Variants in MDN1 observed in about 807,000 individuals in gnomAD.
MDN1 encodes midasin.
MDN1 carries 266 observed loss-of-function variants against 669.2 expected under a neutral mutation model. The observed-to-expected ratio is 0.40, with a 90% confidence interval of 0.36 to 0.44. MDN1 has a LOEUF of 0.44. Ranked by LOEUF, MDN1 falls within the 20% of genes least tolerant of loss-of-function variation. MDN1 has a pLI of 1.00. For missense variants in MDN1, 5,940 were observed against 6,754.0 expected (o/e 0.88, Z 4.22); for synonymous variants, 2,385 against 2,457.1 (o/e 0.97, Z 0.87).
rs1808312115 is a variant in MDN1 at position 89,643,920 on chromosome 6, T to G, written c.*85A>C. ...ATAAAAATATTACAATAAAATTTTTTGTAGTTGTCCAAAAGGGAGCACCTG... is the reference window on the plus strand; with the variant it reads ...ATAAAAATATTACAATAAAATTTTTGGTAGTTGTCCAAAAGGGAGCACCTG... On this transcript the variant is annotated 3_prime_UTR_variant, in exon 102 of 102. Coordinates refer to ENST00000369393, the MANE Select transcript of MDN1 (RefSeq NM_014611.3). The G allele has an allele frequency of 8.7e-7, 1 of 1,151,016 alleles. No individual in the cohort carries two copies. The highest frequency in any genetic ancestry group is 1.6e-5 in the African/African-American group (1 of 63,716). The allele number at this position is 1,151,016 out of a possible 1,614,324, so 71.3% of individuals were successfully genotyped here. A position where few individuals can be genotyped will look rare whatever the true frequency, so the allele number is the denominator to read the frequency against.
At chr6:89,808,563 C>T (rs1768161753) in intron 1 of MDN1, among the ~76,000 whole-genome samples, 1 of 152,152 alleles carries the variant, frequency 6.6e-6, no homozygotes, top group African/African-American at 2.4e-5. Context: ...TAAGAAGACA[C>T]AGCTTTACAT....
chr6:89,761,406 T>C (rs956807298), intron 17 of MDN1, among the ~76,000 whole-genome samples: 1 of 152,208 alleles, frequency 6.6e-6, no homozygotes, highest in African/African-American at 2.4e-5. Context: ...AACACCCTTT[T>C]GTACCCCATG....
intron 9 of MDN1, among the ~76,000 whole-genome samples, chr6:89,784,323 T>A (rs899369563): frequency 5.9e-5 from 9 of 151,642 alleles, no homozygotes; most frequent in East Asian, 1.9e-4. Flanking sequence ...TAAAAAAAAA[T>A]AAAATAAAAT....
chr6:89,712,647 G>A lies in MDN1; in HGVS notation c.7358C>T (p.Thr2453Ile), dbSNP rs755744019. Reference protein sequence around the residue: ...LFATEDSHLSTVRRDGQILVY... With the variant: ...LFATEDSHLSIVRRDGQILVY... ...TAAGATCTGTCCATCTCTTCGGACTGTAGACAGGTGTGAATCTTCAGTAGC... is the reference window on the plus strand; with the variant it reads ...TAAGATCTGTCCATCTCTTCGGACTATAGACAGGTGTGAATCTTCAGTAGC... Residue 2453 changes from threonine (T) to isoleucine (I), a missense_variant, in exon 48 of 102, where the codon ACA (threonine) becomes ATA (isoleucine). By Grantham distance (89) the Thr-to-Ile change is moderately conservative. This residue lies in a region of MDN1 where 2,292 missense variants were observed against 2,638.3 expected (regional missense o/e 0.87). Transcript: ENST00000369393. The A allele has an allele frequency of 1.2e-6, 2 of 1,614,164 alleles. No homozygotes were observed. Among genetic ancestry groups the A allele is most frequent in the Non-Finnish European group, 1.7e-6 (2 of 1,180,022 alleles).
chr6:89,788,953 G>A (rs750296388), intron 7 of MDN1, among the ~76,000 whole-genome samples: 2 of 151,918 alleles, frequency 1.3e-5, no homozygotes, highest in South Asian at 2.1e-4. Flanking sequence ...GTGAAACCCC[G>A]TCTCTACTAA....
intron 84 of MDN1, among the ~76,000 whole-genome samples, chr6:89,667,660 G>C (rs1470628056): frequency 6.6e-6 from 1 of 151,908 alleles, no homozygotes; most frequent in Non-Finnish European, 1.5e-5. Context: ...AGCAAATTTT[G>C]GCATTATTGT....
At chr6:89,749,420 T>TA in intron 25 of MDN1, 51 bp from the exon 26 acceptor site, 1 of 1,602,612 alleles carries the variant, frequency 6.2e-7, no homozygotes, top group Non-Finnish European at 8.5e-7. Context: ...TAATTTCCAA[T>TA]ATGGAGGCTC....
In MDN1 at chr6:89,802,442, T is replaced by C. The variant is rs1767726788; in HGVS notation, c.329+886A>G. Among the ~76,000 whole-genome samples the C allele has an allele frequency of 2.6e-5, 4 of 152,348 alleles. No homozygotes were observed. In the South Asian group the frequency reaches 8.3e-4, roughly 32 times the overall value. On this transcript the variant is annotated intron_variant, in intron 2 of 101. Coordinates refer to ENST00000369393, the MANE Select transcript of MDN1 (RefSeq NM_014611.3). ...GCTCACGCCTGTAATCCCAACACTT[T>C]GGGAGGTCGAGGCGGGCAGATCACG...
chr6:89,759,967 G>C, intron 17 of MDN1, among the ~76,000 whole-genome samples: 1 of 152,062 alleles, frequency 6.6e-6, no homozygotes, highest in Non-Finnish European at 1.5e-5. Flanking sequence ...AGCTACTCCA[G>C]AGGCTGAGGC....
At chr6:89,818,336 A>G (rs1768984997) in intron 1 of MDN1, among the ~76,000 whole-genome samples, 1 of 150,202 alleles carries the variant, frequency 6.7e-6, no homozygotes, top group South Asian at 2.1e-4. Context: ...AAAAAAAAAA[A>G]AAAAAAAAAA....
At position 89,743,656 on chromosome 6, in the gene MDN1, A is replaced by G. The variant is rs1019195185; in HGVS notation, c.4237T>C (p.Ser1413Pro). 4 of 1,614,068 alleles carry G rather than the reference A, an allele frequency of 2.5e-6. No individual in the cohort carries two copies. Among genetic ancestry groups the G allele is most frequent in the Non-Finnish European group, 1.7e-6 (2 of 1,180,014 alleles). The change falls in exon 30 of 102, where the codon TCT becomes CCT. Residue 1413 changes from serine to proline, a missense_variant. Physicochemically the swap from Ser to Pro is moderately conservative, Grantham distance 74. Around this residue, in one of 5 missense-constraint regions of MDN1, gnomAD observed 2,292 missense variants for 2,638.3 expected, o/e 0.87. Transcript: ENST00000369393. ...TCCATGTGTAAGTGGCAGCTGACAGAGTATAATTTCTGATTTGCCAAGGCT... is the reference window on the plus strand; with the variant it reads ...TCCATGTGTAAGTGGCAGCTGACAGGGTATAATTTCTGATTTGCCAAGGCT... ...FAALANQKLY[S>P]VSCHLHMETS... is the part of the protein sequence containing the mutation.
chr6:89,692,611 C>T lies in MDN1; in HGVS notation c.10419G>A (p.Lys3473=). 1 of 1,614,264 alleles carries T rather than the reference C, an allele frequency of 6.2e-7. No homozygotes were observed. Among genetic ancestry groups the T allele is most frequent in the Non-Finnish European group, 8.5e-7 (1 of 1,180,044 alleles). ...KSEEVLRGLG[K]LILKRSGGKE... ...TTCCTCCTGAGCGCTTGAGGATTAG[C>T]TTCCCAAGGCCTCGTAGAACCTCCT... The change falls in exon 63 of 102, where the codon AAG becomes AAA. Residue 3473 remains lysine, a synonymous_variant. Coordinates refer to ENST00000369393, the MANE Select transcript of MDN1 (RefSeq NM_014611.3).
At chr6:89,728,352 T>G (rs1189032097) in intron 36 of MDN1, among the ~76,000 whole-genome samples, 1 of 152,126 alleles carries the variant, frequency 6.6e-6, no homozygotes, top group Admixed American at 6.6e-5. Flanking sequence ...TAAAAAAAAA[T>G]TTAAGCAAAA....
At chr6:89,699,507 T>C (rs746299993) in intron 58 of MDN1, 94 bp downstream of exon 58, 97 of 1,412,798 alleles carry the variant, frequency 6.9e-5, no homozygotes, top group South Asian at 2.8e-4. Context: ...TATGGAATTT[T>C]GAGAATAAAT....
At chr6:89,816,114 T>C (rs1768807702) in intron 1 of MDN1, among the ~76,000 whole-genome samples, 1 of 152,180 alleles carries the variant, frequency 6.6e-6, no homozygotes, top group Non-Finnish European at 1.5e-5. Context: ...AAAGACTGTT[T>C]TGTGGCTGGG....
At chr6:89,815,289 G>T in intron 1 of MDN1, 1 of 474,432 alleles carries the variant, frequency 2.1e-6, no homozygotes. Context: ...AGCACCTATG[G>T]GGAGCAGGAA....
chr6:89,714,738 T>C lies in MDN1; in HGVS notation c.6874A>G (p.Met2292Val). 1.9e-6 allele frequency: 3 copies of C among 1,605,598 alleles called. No homozygotes were observed. In the South Asian group the frequency reaches 3.4e-5, roughly 18 times the overall value. Residue 2292 changes from methionine (M) to valine (V), a missense_variant, in exon 46 of 102, where the codon ATG (methionine) becomes GTG (valine). Physicochemically the swap from Met to Val is conservative, Grantham distance 21. Transcript: ENST00000369393. ...GATATATCTCCATGAACAGGATCCA[T>C]CGAGAGGAAAAGTCTAGAAAAATAG... ...PNPNFRLFLSMDPVHGDISRA... is the reference protein window; with the variant it reads ...PNPNFRLFLSVDPVHGDISRA...
At chr6:89,745,738 T>A in intron 27 of MDN1, 112 bp from the exon 28 acceptor site, 1 of 1,074,506 alleles carries the variant, frequency 9.3e-7, no homozygotes, top group Non-Finnish European at 1.3e-6. Context: ...GCTGGTGAGG[T>A]AGAAATCTGA....
At chr6:89,744,894 TA>T (rs1816512235) in intron 29 of MDN1, among the ~76,000 whole-genome samples, 1 of 150,848 alleles carries the variant, frequency 6.6e-6, no homozygotes, top group African/African-American at 2.4e-5. Context: ...AAAATAATAA[TA>T]ATAAAGCCAT....
Sources: gnomAD v4.1 joint callset for allele counts (sites outside exome capture counted in the v4.1 genomes callset) on GRCh38, gnomAD v4.1.1 for gene constraint, gnomAD v4.1.1 regional missense constraint, MANE v1.5 for transcripts, NCBI Gene and HGNC (gene_info 2026-07-23, HGNC 2026-07-21) for gene names.